LRRC4C: variants seen among roughly 807,000 people sequenced by gnomAD.
LRRC4C encodes leucine rich repeat containing 4C.
LRRC4C carries 5 observed loss-of-function variants against 33.6 expected under a neutral mutation model. The ratio of observed to expected loss-of-function variants is 0.15; its 90% CI spans 0.08 to 0.31. LRRC4C has a LOEUF of 0.31. Among genes scored for constraint, LRRC4C ranks in the 10% least tolerant of loss-of-function variants. The pLI is 1.00. For synonymous variants in LRRC4C, 329 were observed against 302.0 expected (o/e 1.09, Z -0.93); for missense variants, 560 against 796.7 (o/e 0.70, Z 3.58).
chr11:41,281,195 C>T (rs1459708770), intron 1 of LRRC4C, among the ~76,000 whole-genome samples: 1 of 151,306 alleles, frequency 6.6e-6, no homozygotes, highest in Non-Finnish European at 1.5e-5. Flanking sequence ...ATCTAAAGTG[C>T]TATGCTGGAG....
intron 2 of LRRC4C, among the ~76,000 whole-genome samples, chr11:40,869,829 A>G (rs951317894): frequency 2.0e-5 from 3 of 152,116 alleles, no homozygotes; most frequent in Non-Finnish European, 4.4e-5. Flanking sequence ...CCCTCTTCCA[A>G]GTATACTTTC....
intron 6 of LRRC4C, among the ~76,000 whole-genome samples, chr11:40,127,787 G>A (rs1464924550): frequency 6.6e-6 from 1 of 152,140 alleles, no homozygotes; most frequent in Admixed American, 6.6e-5. Flanking sequence ...AAATACCAAT[G>A]AAGAGAAAAT....
intron 3 of LRRC4C, among the ~76,000 whole-genome samples, chr11:40,467,560 ATCC>A (rs1952712377): frequency 1.3e-5 from 2 of 152,178 alleles, no homozygotes; most frequent in South Asian, 4.1e-4. Flanking sequence ...ACTCTATTGT[ATCC>A]TCTTTTTGAG....
chr11:40,182,749 A>G (rs564842282), intron 5 of LRRC4C, among the ~76,000 whole-genome samples: 1 of 152,316 alleles, frequency 6.6e-6, no homozygotes, highest in Non-Finnish European at 1.5e-5. Flanking sequence ...CTAGGTTGAC[A>G]GGTAATTTGT....
At chr11:40,894,769 C>G (rs1368976709) in intron 2 of LRRC4C, among the ~76,000 whole-genome samples, 1 of 152,128 alleles carries the variant, frequency 6.6e-6, no homozygotes, top group African/African-American at 2.4e-5. Context: ...CACCTATCGA[C>G]AGTCCACCCA....
intron 5 of LRRC4C, among the ~76,000 whole-genome samples, chr11:40,190,294 A>G (rs1337601582): frequency 6.6e-6 from 1 of 152,222 alleles, no homozygotes; most frequent in Non-Finnish European, 1.5e-5. Flanking sequence ...TTGGCTGATC[A>G]TTAGAAATCT....
intron 1 of LRRC4C, among the ~76,000 whole-genome samples, chr11:41,252,962 G>A (rs1406865289): frequency 6.6e-6 from 1 of 152,082 alleles, no homozygotes. Context: ...GGGAATTATG[G>A]GAGCTACAAT....
chr11:41,213,895 T>A (rs549657419), intron 1 of LRRC4C, among the ~76,000 whole-genome samples: 1 of 152,360 alleles, frequency 6.6e-6, no homozygotes, highest in South Asian at 2.1e-4. Context: ...TGGTGCAATA[T>A]AGAACTCACA....
At chr11:40,671,939 GT>G (rs1027265550) in intron 2 of LRRC4C, among the ~76,000 whole-genome samples, 1 of 152,032 alleles carries the variant, frequency 6.6e-6, no homozygotes, top group Non-Finnish European at 1.5e-5. Context: ...CAGGTACTTA[GT>G]AAACAATTGG....
intron 2 of LRRC4C, among the ~76,000 whole-genome samples, chr11:40,737,348 T>C (rs1329277948): frequency 6.6e-6 from 1 of 152,086 alleles, no homozygotes; most frequent in Non-Finnish European, 1.5e-5. Context: ...CTATTCAATA[T>C]AGTATTAGAA....
At chr11:41,425,786 G>T (rs2138367863) in intron 1 of LRRC4C, among the ~76,000 whole-genome samples, 1 of 152,170 alleles carries the variant, frequency 6.6e-6, no homozygotes, top group Non-Finnish European at 1.5e-5. Context: ...GCTATGGGAG[G>T]GGTGATGTGC....
At chr11:40,182,563 T>A (rs1355377354) in intron 5 of LRRC4C, among the ~76,000 whole-genome samples, 1 of 152,166 alleles carries the variant, frequency 6.6e-6, no homozygotes, top group Non-Finnish European at 1.5e-5. Context: ...CCAAAAAGTA[T>A]AAAAATAATT....
intron 5 of LRRC4C, among the ~76,000 whole-genome samples, chr11:40,209,907 C>T (rs1468005504): frequency 2.6e-5 from 4 of 152,014 alleles, no homozygotes; most frequent in African/African-American, 9.7e-5. Context: ...AAAGGAGATG[C>T]CTTGAAGAAA....
At chr11:40,766,353 T>TAAAAAAAAAAAAAAAAAAAAAAAAAAA (rs60152534) in intron 2 of LRRC4C, among the ~76,000 whole-genome samples, 6 of 33,902 alleles carry the variant, frequency 1.8e-4, no homozygotes, top group African/African-American at 6.4e-4. Context: ...TTCAGTCTGT[T>TAAAAAAAAAAAAAAAAAAAAAAAAAAA]AAAAAAAAAA....
At chr11:40,912,417 C>T (rs113415716) in intron 2 of LRRC4C, among the ~76,000 whole-genome samples, 47 of 152,256 alleles carry the variant, frequency 3.1e-4, no homozygotes, top group African/African-American at 1.1e-3. Flanking sequence ...AAAGAATTTC[C>T]AACCCAGAAT....
chr11:41,140,768 A>G (rs188933922), intron 1 of LRRC4C, among the ~76,000 whole-genome samples: 8 of 123,952 alleles, frequency 6.5e-5, no homozygotes, highest in Admixed American at 1.5e-4. Flanking sequence ...GCCAGAAATT[A>G]TCCTCTCCCC....
intron 3 of LRRC4C, among the ~76,000 whole-genome samples, chr11:40,561,779 C>G (rs1957560369): frequency 6.6e-6 from 1 of 152,084 alleles, no homozygotes; most frequent in Admixed American, 6.6e-5. Flanking sequence ...GTGTTGGTAA[C>G]AAATTCACTC....
chr11:40,991,495 A>C (rs1267429770), intron 1 of LRRC4C, among the ~76,000 whole-genome samples: 1 of 152,166 alleles, frequency 6.6e-6, no homozygotes, highest in Non-Finnish European at 1.5e-5. Context: ...TGTTGGTGGT[A>C]GTGGTTTCAG....
intron 2 of LRRC4C, among the ~76,000 whole-genome samples, chr11:40,732,442 C>T (rs902088596): frequency 6.6e-6 from 1 of 152,146 alleles, no homozygotes; most frequent in East Asian, 1.9e-4. Context: ...TCCAATTCAG[C>T]GTCTTTCTTC....
Sources: allele counts gnomAD v4.1 joint callset (sites outside exome capture counted in the v4.1 genomes callset), GRCh38; gene constraint gnomAD v4.1.1; transcripts MANE v1.5; gene names NCBI Gene and HGNC (gene_info 2026-07-23, HGNC 2026-07-21).